Variants in HSPBAP1 observed in about 807,000 individuals in gnomAD.
HSPBAP1 encodes the protein HSPB1 associated protein 1, also known as HSPB1-associated protein 1.
Under a neutral mutation model 45.2 loss-of-function variants are expected in HSPBAP1, and 27 were observed. That is an observed-to-expected ratio of 0.60 (90% CI 0.44 to 0.82). The LOEUF is 0.82. HSPBAP1 is among the 40% of genes least tolerant of loss of function. The pLI is 0.00. For synonymous variants in HSPBAP1, 204 were observed against 202.7 expected (o/e 1.01, Z -0.06); for missense variants, 510 against 590.9 (o/e 0.86, Z 1.42).
chr3:122,752,833 C>A (rs562310617), intron 5 of HSPBAP1, 159 bp from the exon 6 acceptor site: 15 of 1,386,148 alleles, frequency 1.1e-5, no homozygotes, highest in East Asian at 1.1e-4. Flanking sequence ...ACCCCGCAAA[C>A]CTTTTTTCCT....
At chr3:122,772,184 A>G (rs1935025997) in intron 2 of HSPBAP1, among the ~76,000 whole-genome samples, 1 of 152,218 alleles carries the variant, frequency 6.6e-6, no homozygotes, top group Non-Finnish European at 1.5e-5. Context: ...TAAAGATAAC[A>G]TGTTCCTGTG....
At chr3:122,781,824 C>T (rs1935496681) in intron 1 of HSPBAP1, among the ~76,000 whole-genome samples, 1 of 152,104 alleles carries the variant, frequency 6.6e-6, no homozygotes, top group Non-Finnish European at 1.5e-5. Context: ...TGTAGCATTC[C>T]ATGGCATATA....
At chr3:122,773,482 A>AT (rs1276583102) in intron 2 of HSPBAP1, among the ~76,000 whole-genome samples, 2 of 151,666 alleles carry the variant, frequency 1.3e-5, no homozygotes, top group African/African-American at 4.8e-5. Flanking sequence ...TAATTGGCTA[A>AT]TTTTTTGTAT....
At chr3:122,751,345 G>C (rs2107504385) in intron 6 of HSPBAP1, among the ~76,000 whole-genome samples, 1 of 152,224 alleles carries the variant, frequency 6.6e-6, no homozygotes, top group South Asian at 2.1e-4. Context: ...CATTTTACAA[G>C]AAAATGGAGG....
At chr3:122,781,900 T>A (rs1935500171) in intron 1 of HSPBAP1, among the ~76,000 whole-genome samples, 1 of 152,228 alleles carries the variant, frequency 6.6e-6, no homozygotes, top group Admixed American at 6.5e-5. Context: ...ATTCCATCTC[T>A]TTGCTATTGT....
intron 6 of HSPBAP1, among the ~76,000 whole-genome samples, chr3:122,746,865 T>G (rs76592907): frequency 0.16 from 24,351 of 151,424 alleles, 2,032 homozygotes; most frequent in African/African-American, 0.19. Context: ...GTGTTGGCCG[T>G]GCTGGTCTCC....
intron 1 of HSPBAP1, chr3:122,786,455 T>C (rs1935659847): frequency 6.6e-6 from 1 of 152,236 alleles, no homozygotes; most frequent in Non-Finnish European, 1.5e-5. Flanking sequence ...ATTCCCAAAA[T>C]GGTTCATACT....
chr3:122,785,704 T>C (rs963274361), intron 1 of HSPBAP1, among the ~76,000 whole-genome samples: 2 of 152,140 alleles, frequency 1.3e-5, no homozygotes, highest in Non-Finnish European at 2.9e-5. Context: ...CCTTAACAAG[T>C]GTCACTGAAT....
intron 4 of HSPBAP1, 40 bp downstream of exon 4, chr3:122,759,184 T>G (rs963900527): frequency 1.4e-6 from 1 of 705,656 alleles, no homozygotes; most frequent in Non-Finnish European, 2.2e-6. Flanking sequence ...ACATGTGCGT[T>G]CCACACACAC....
At chr3:122,758,638 G>A in intron 4 of HSPBAP1, 1 of 428,000 alleles carries the variant, frequency 2.3e-6, no homozygotes, top group South Asian at 1.7e-5. Context: ...AGCATAGGCT[G>A]GGCATAGTGG....
intron 1 of HSPBAP1, among the ~76,000 whole-genome samples, chr3:122,790,265 G>A (rs58540278): frequency 0.025 from 3,766 of 152,086 alleles, 147 homozygotes; most frequent in African/African-American, 0.083. Context: ...TTCCCTCTTC[G>A]TCACTTCAGC....
Position 122,793,465 on chromosome 3 carries a change from G to T in HSPBAP1, c.64+152C>A, listed in dbSNP as rs1935900097. On this transcript the variant is annotated intron_variant, in intron 1 of 7. Transcript: ENST00000306103. ...GATGCCACAATTCGAGAAATGCCACGCTCACTAGAAAATATAGATTTTTCT... is the reference window on the plus strand; with the variant it reads ...GATGCCACAATTCGAGAAATGCCACTCTCACTAGAAAATATAGATTTTTCT... 5.9e-6 allele frequency: 4 copies of T among 673,428 alleles called. No homozygotes were observed. In the East Asian group the frequency reaches 1.1e-4, roughly 18 times the overall value. The allele number at this position is 673,428 out of a possible 1,614,324, so 41.7% of individuals were successfully genotyped here. A position where few individuals can be genotyped will look rare whatever the true frequency, so the allele number is the denominator to read the frequency against.
intron 6 of HSPBAP1, among the ~76,000 whole-genome samples, chr3:122,747,515 C>T (rs551346241): frequency 1.3e-4 from 19 of 150,814 alleles, no homozygotes; most frequent in African/African-American, 4.4e-4. Flanking sequence ...CCCGGCCAGC[C>T]GCCCCGTCTC....
At chr3:122,762,700 ATT>A (rs1934640234) in intron 3 of HSPBAP1, among the ~76,000 whole-genome samples, 1 of 152,122 alleles carries the variant, frequency 6.6e-6, no homozygotes, top group Non-Finnish European at 1.5e-5. Flanking sequence ...TTTGTCATGA[ATT>A]TTTAATTTAA....
chr3:122,781,309 T>A (rs1935459823), intron 1 of HSPBAP1, among the ~76,000 whole-genome samples: 1 of 152,176 alleles, frequency 6.6e-6, no homozygotes, highest in African/African-American at 2.4e-5. Context: ...TCCCGGCACC[T>A]CGGGAGGCCG....
chr3:122,774,200 T>C (rs888300635), intron 2 of HSPBAP1, among the ~76,000 whole-genome samples: 2 of 152,236 alleles, frequency 1.3e-5, no homozygotes, highest in Admixed American at 1.3e-4. Flanking sequence ...ACCATGTGAT[T>C]ACAACTGTGC....
In HSPBAP1 at chr3:122,740,405, C is replaced by A. The variant is rs777616134; in HGVS notation, c.1407G>T (p.Leu469Phe). Residue 469 changes from leucine (L) to phenylalanine (F), a missense_variant, in exon 8 of 8, where the codon TTG becomes TTT. Physicochemically the swap from Leu to Phe is conservative, Grantham distance 22. Coordinates refer to ENST00000306103, the MANE Select transcript of HSPBAP1 (RefSeq NM_024610.6). ...CTATCCTGGTTACTTGTGGATTCAC[C>A]AAGCAGTCCAGCAAGTCATCCGTAG... is the stretch of plus-strand genomic sequence containing the variant. ...FISTDDLLDC[L>F]VNPQVTRIVA... is the part of the protein sequence containing the mutation. 1.3e-4 allele frequency: 210 copies of A among 1,613,606 alleles called. No homozygotes were observed. The highest frequency in any genetic ancestry group is 1.7e-4 in the Non-Finnish European group (204 of 1,179,732).
intron 6 of HSPBAP1, among the ~76,000 whole-genome samples, chr3:122,745,755 C>T (rs570207054): frequency 6.6e-6 from 1 of 152,246 alleles, no homozygotes; most frequent in East Asian, 1.9e-4. Context: ...TAAAGTGCTT[C>T]CTTTAAGTGA....
In HSPBAP1 at chr3:122,783,833, C is replaced by CT. The variant is rs79338116; in HGVS notation, c.65-5928dup. Among the ~76,000 whole-genome samples the CT allele has an allele frequency of 4.8e-3, 701 of 145,064 alleles. 7 individuals carry two copies. Among genetic ancestry groups the CT allele is most frequent in the East Asian group, 0.013 (64 of 5,010 alleles). On this transcript the variant is annotated intron_variant, in intron 1 of 7. Transcript: ENST00000306103. Reference sequence around the variant, plus strand: ...TTCCTGGTACAGGGAGGGCAACTTTCTTTTTTTTTTTTTTTGAGACGGAGT... The same window carrying CT: ...TTCCTGGTACAGGGAGGGCAACTTTCTTTTTTTTTTTTTTTTGAGACGGAGT...
Sources: gnomAD v4.1 joint callset for allele counts (sites outside exome capture counted in the v4.1 genomes callset) on GRCh38, gnomAD v4.1.1 for gene constraint, MANE v1.5 for transcripts, NCBI Gene and HGNC (gene_info 2026-07-23, HGNC 2026-07-21) for gene names.